The following PRKAR2A variants were observed in gnomAD, a reference collection of about 807,000 sequenced individuals.
PRKAR2A encodes cAMP-dependent protein kinase type II-alpha regulatory subunit.
A neutral mutation model predicts 51.9 loss-of-function variants in PRKAR2A; 29 were observed. The observed-to-expected ratio is 0.56, with a 90% CI of 0.42 to 0.76. The LOEUF (loss-of-function observed/expected upper bound fraction) is 0.76, where lower values mean the gene tolerates loss of function less well. PRKAR2A is among the 30% of genes least tolerant of loss of function. The pLI is 0.00. For missense variants in PRKAR2A, 445 were observed against 512.1 expected, an observed-to-expected ratio of 0.87 and a Z score of 1.26; for synonymous variants, 178 against 186.2, an observed-to-expected ratio of 0.96 and a Z score of 0.36.
intron 1 of PRKAR2A, among the ~76,000 whole-genome samples, chr3:48,825,784 A>G (rs911624451): frequency 6.6e-6 from 1 of 152,294 alleles, no homozygotes; most frequent in East Asian, 1.9e-4. Flanking sequence ...TTTCAGTAGA[A>G]TTATATATAA....
At chr3:48,831,191 A>G (rs1575946188) in intron 1 of PRKAR2A, among the ~76,000 whole-genome samples, 1 of 152,120 alleles carries the variant, frequency 6.6e-6, no homozygotes, top group East Asian at 1.9e-4. Context: ...AATGTGTTGT[A>G]ACACAACATC....
chr3:48,819,389 T>C (rs2082925441), intron 1 of PRKAR2A, among the ~76,000 whole-genome samples: 1 of 152,144 alleles, frequency 6.6e-6, no homozygotes, highest in Non-Finnish European at 1.5e-5. Flanking sequence ...TTTAAATGCA[T>C]CATCACATAT....
chr3:48,801,631 T>G (rs1033702399), intron 2 of PRKAR2A, among the ~76,000 whole-genome samples: 2 of 152,078 alleles, frequency 1.3e-5, no homozygotes, highest in Non-Finnish European at 2.9e-5. Context: ...TGAGTCTTGC[T>G]CTATAGCACT....
chr3:48,775,868 G>A (rs1289664315), intron 5 of PRKAR2A, among the ~76,000 whole-genome samples: 1 of 152,114 alleles, frequency 6.6e-6, no homozygotes, highest in Non-Finnish European at 1.5e-5. Context: ...AGCACTTTGG[G>A]AGGCCGAGGT....
Position 48,847,285 on chromosome 3 carries a change from A to G in PRKAR2A, c.262+50T>C, listed in dbSNP as rs1412424861. 4.4e-6 allele frequency: 7 copies of G among 1,592,108 alleles called. No homozygotes were observed. In the East Asian group the frequency reaches 9.3e-5, roughly 21 times the overall value. On this transcript the variant is annotated intron_variant, in intron 1 of 10. Coordinates refer to ENST00000265563, the MANE Select transcript of PRKAR2A (RefSeq NM_004157.4). The surrounding 1 kb of genome is among the most constrained non-coding windows in gnomAD (Gnocchi z 4.4). Reference sequence around the variant, plus strand: ...ACCTGGCTCCCTGCCACCCCTCTAGACCTCTGGAGACCTCCTGCACCACTC... The same window carrying G: ...ACCTGGCTCCCTGCCACCCCTCTAGGCCTCTGGAGACCTCCTGCACCACTC...
chr3:48,824,135 G>C (rs191056710), intron 1 of PRKAR2A, among the ~76,000 whole-genome samples: 1 of 152,136 alleles, frequency 6.6e-6, no homozygotes, highest in Non-Finnish European at 1.5e-5. Context: ...CAGCTACTCG[G>C]GAGGTTGAGG....
intron 1 of PRKAR2A, among the ~76,000 whole-genome samples, chr3:48,825,385 A>T (rs1034878634): frequency 6.6e-6 from 1 of 152,198 alleles, no homozygotes; most frequent in African/African-American, 2.4e-5. Flanking sequence ...GACACGATCC[A>T]CATGTCTACT....
chr3:48,824,535 A>C (rs1449202789), intron 1 of PRKAR2A, among the ~76,000 whole-genome samples: 1 of 147,040 alleles, frequency 6.8e-6, no homozygotes, highest in Admixed American at 7.0e-5. Context: ...TGTACATTCC[A>C]AAATCATAAG....
chr3:48,756,303 C>T, intron 9 of PRKAR2A, 76 bp downstream of exon 9: 2 of 1,315,102 alleles, frequency 1.5e-6, no homozygotes, highest in South Asian at 2.4e-5. Context: ...TTGGTGTATT[C>T]AACACACTTC....
intron 1 of PRKAR2A, among the ~76,000 whole-genome samples, chr3:48,809,715 A>G (rs1370359043): frequency 6.6e-6 from 1 of 152,078 alleles, no homozygotes; most frequent in Non-Finnish European, 1.5e-5. Context: ...TAAAAGACAC[A>G]GTATTCAATA....
rs11370685 is a variant in PRKAR2A at position 48,796,670 on chromosome 3, G to GTT, written c.299-2623_299-2622dup. On this transcript the variant is annotated intron_variant, in intron 2 of 10. Coordinates refer to ENST00000265563, the MANE Select transcript of PRKAR2A (RefSeq NM_004157.4). ...TTTTTATATTTTTAGTAGAGACGGG[G>GTT]TTTTTTTTTTTTTTTTGCCATGTTG... Among the ~76,000 whole-genome samples, 946 of 136,714 alleles carry GTT rather than the reference G, an allele frequency of 6.9e-3. 12 individuals carry two copies. Among genetic ancestry groups the GTT allele is most frequent in the Middle Eastern group, 0.015 (4 of 268 alleles). 89.7% of individuals were successfully genotyped at this position (136,714 alleles called of 152,430 possible).
chr3:48,760,603 G>A (rs920980320), intron 8 of PRKAR2A, among the ~76,000 whole-genome samples: 1 of 148,530 alleles, frequency 6.7e-6, no homozygotes, highest in Non-Finnish European at 1.5e-5. Context: ...TGAGGTGGGC[G>A]GATCACCTGA....
intron 1 of PRKAR2A, among the ~76,000 whole-genome samples, chr3:48,828,677 G>A (rs1442717915): frequency 8.2e-6 from 1 of 121,890 alleles, no homozygotes; most frequent in Non-Finnish European, 1.6e-5. Flanking sequence ...AGCTGTGATC[G>A]CACCCGGGCA....
At position 48,751,419 on chromosome 3, in the gene PRKAR2A, T is replaced by C. The variant is rs1335234999; in HGVS notation, c.*166A>G. The C allele has an allele frequency of 6.2e-6, 6 of 972,596 alleles. No individual in the cohort carries two copies. The Admixed American group carries it at 1.2e-4, about 19-fold the overall frequency. 60.2% of individuals were successfully genotyped at this position (972,596 alleles called of 1,614,324 possible). ...GAGGTGTGGGTTGAACCTCTGCCCATCCTTTAGTGCTGACTTTCAAGTTTT... is the reference window on the plus strand; with the variant it reads ...GAGGTGTGGGTTGAACCTCTGCCCACCCTTTAGTGCTGACTTTCAAGTTTT... On this transcript the variant is annotated 3_prime_UTR_variant, in exon 11 of 11. Transcript: ENST00000265563.
At chr3:48,811,153 C>A (rs973152054) in intron 1 of PRKAR2A, among the ~76,000 whole-genome samples, 3 of 151,268 alleles carry the variant, frequency 2.0e-5, no homozygotes. Context: ...CTTCAGCCTG[C>A]GCAACAGAGG....
intron 6 of PRKAR2A, among the ~76,000 whole-genome samples, chr3:48,771,245 T>C (rs950742802): frequency 6.6e-6 from 1 of 152,126 alleles, no homozygotes; most frequent in Non-Finnish European, 1.5e-5. Flanking sequence ...CAGTGGCTCA[T>C]GCCTGTAATT....
chr3:48,801,288 G>C (rs1232464473), intron 2 of PRKAR2A, among the ~76,000 whole-genome samples: 2 of 152,084 alleles, frequency 1.3e-5, no homozygotes, highest in Non-Finnish European at 2.9e-5. Context: ...AGGTAGCTGG[G>C]ATTACAGGCA....
At chr3:48,838,753 C>A (rs561234897) in intron 1 of PRKAR2A, among the ~76,000 whole-genome samples, 12 of 151,724 alleles carry the variant, frequency 7.9e-5, no homozygotes, top group African/African-American at 2.9e-4. Context: ...CCGAGGCAGG[C>A]GGATCACGAG....
At chr3:48,793,954 G>C in intron 3 of PRKAR2A, 43 bp downstream of exon 3, 2 of 1,484,544 alleles carry the variant, frequency 1.3e-6, no homozygotes, top group Non-Finnish European at 1.9e-6. Context: ...GAGTTAATGA[G>C]AAATAGAACA....
Sources: allele counts gnomAD v4.1 joint callset (sites outside exome capture counted in the v4.1 genomes callset), GRCh38; gene constraint gnomAD v4.1.1; non-coding constraint Gnocchi (gnomAD v3.1); transcripts MANE v1.5; gene names NCBI Gene and HGNC (gene_info 2026-07-23, HGNC 2026-07-21).